The following RELN variants were observed in gnomAD, a reference collection of about 807,000 sequenced individuals.
The protein encoded by RELN is reelin.
RELN carries 108 observed loss-of-function variants against 427.6 expected under a neutral mutation model. The observed-to-expected ratio is 0.25, with a 90% CI of 0.22 to 0.30. The LOEUF (loss-of-function observed/expected upper bound fraction) is 0.30. Ranked by LOEUF, RELN falls within the 10% of genes least tolerant of loss-of-function variation. RELN has a pLI of 1.00. For missense variants in RELN, 3,715 were observed against 4,302.8 expected (o/e 0.86, Z 3.82); for synonymous variants, 1,524 against 1,513.4 (o/e 1.01, Z -0.16).
intron 11 of RELN, among the ~76,000 whole-genome samples, chr7:103,676,137 C>A (rs574772399): frequency 8.5e-5 from 13 of 152,130 alleles, no homozygotes; most frequent in African/African-American, 1.7e-4. Context: ...ACAATCTACT[C>A]ATCTGACAAA....
chr7:103,835,449 G>A (rs1019490230), intron 2 of RELN, among the ~76,000 whole-genome samples: 20 of 152,140 alleles, frequency 1.3e-4, no homozygotes, highest in Non-Finnish European at 2.9e-4. Context: ...TGGACTTTGA[G>A]CAGTAATGAT....
chr7:103,509,008 A>C (rs1829308331), intron 51 of RELN, among the ~76,000 whole-genome samples: 1 of 123,946 alleles, frequency 8.1e-6, no homozygotes, highest in Non-Finnish European at 1.7e-5. Context: ...AGAGGATGCA[A>C]ACAAACAAAT....
chr7:103,813,201 G>C (rs897220759), intron 3 of RELN, among the ~76,000 whole-genome samples: 1 of 152,000 alleles, frequency 6.6e-6, no homozygotes, highest in Non-Finnish European at 1.5e-5. Context: ...TGTCTTTTAT[G>C]ATCCTCTGGC....
chr7:103,982,114 C>T (rs1002238840), intron 1 of RELN, among the ~76,000 whole-genome samples: 7 of 152,062 alleles, frequency 4.6e-5, no homozygotes, highest in African/African-American at 1.7e-4. Flanking sequence ...TACAGTGAGC[C>T]GAAAAGGTGT....
chr7:103,632,856 G>C (rs1054826023), intron 19 of RELN, among the ~76,000 whole-genome samples: 1 of 151,822 alleles, frequency 6.6e-6, no homozygotes, highest in Non-Finnish European at 1.5e-5. Flanking sequence ...TGACATGATA[G>C]AACAAAGAGG....
intron 51 of RELN, among the ~76,000 whole-genome samples, chr7:103,504,143 G>T (rs1260945989): frequency 6.6e-6 from 1 of 152,130 alleles, no homozygotes; most frequent in Middle Eastern, 3.2e-3. Context: ...GGCAGAGGTT[G>T]CAGTGAACCA....
At chr7:103,643,577 TTAAC>T (rs1832737140) in intron 16 of RELN, among the ~76,000 whole-genome samples, 1 of 151,874 alleles carries the variant, frequency 6.6e-6, no homozygotes, top group African/African-American at 2.4e-5. Flanking sequence ...ATAGCTAATC[TTAAC>T]TAACCTGCAC....
At chr7:103,669,587 C>T (rs1483755896) in intron 11 of RELN, among the ~76,000 whole-genome samples, 3 of 151,816 alleles carry the variant, frequency 2.0e-5, no homozygotes, top group Non-Finnish European at 4.4e-5. Context: ...TGACTCTCTC[C>T]AAATATAATA....
rs202041594 is a variant in RELN at position 103,761,634 on chromosome 7, G to A, written c.545-8420C>T. On this transcript the variant is annotated intron_variant, in intron 4 of 64. Transcript: ENST00000428762. ...AGACCAGTAAATTTTTTTTTGGGGG[G>A]GGGTAGAGACAAGATCTTACCACAT... 7.3e-5 allele frequency among the ~76,000 whole-genome samples: 11 copies of A among 151,528 alleles called. No homozygotes were observed. In the East Asian group the frequency reaches 1.4e-3, roughly 19 times the overall value.
At chr7:103,544,392 C>T (rs531350815) in intron 42 of RELN, among the ~76,000 whole-genome samples, 2 of 151,734 alleles carry the variant, frequency 1.3e-5, no homozygotes, top group Admixed American at 6.6e-5. Context: ...GCGTGCCCGG[C>T]TTTTTTGTAT....
intron 5 of RELN, among the ~76,000 whole-genome samples, chr7:103,751,063 C>A (rs1010449787): frequency 9.9e-5 from 15 of 152,224 alleles, no homozygotes; most frequent in African/African-American, 3.6e-4. Context: ...TATTTCTATT[C>A]ATGTTGTAAA....
chr7:103,721,385 C>T (rs1444978062), intron 8 of RELN, among the ~76,000 whole-genome samples: 1 of 152,062 alleles, frequency 6.6e-6, no homozygotes, highest in Non-Finnish European at 1.5e-5. Context: ...ACCAAGGGCT[C>T]TTGCTAAGTC....
In RELN at chr7:103,651,773, A is replaced by C; in HGVS notation, c.1780T>G (p.Ser594Ala). ...GACCAGGAGCGCCCATGGTTGGTAG[A>C]AAATTCCAAGCTGACACTAATAAAA... Reference protein sequence around the residue: ...QPGNSVSLEFSTNHGRSWSLL... With the variant: ...QPGNSVSLEFATNHGRSWSLL... Residue 594 changes from serine to alanine, a missense_variant, in exon 15 of 65, where the codon TCT becomes GCT. Ser to Ala is a moderately conservative substitution (Grantham distance 99, BLOSUM62 1). This residue lies in a region of RELN where 2,208 missense variants were observed against 2,361.7 expected (regional missense o/e 0.93). Coordinates refer to ENST00000428762, the MANE Select transcript of RELN (RefSeq NM_005045.4). 2 of 1,611,866 alleles carry C rather than the reference A, an allele frequency of 1.2e-6. No homozygotes were observed. Among genetic ancestry groups the C allele is most frequent in the Non-Finnish European group, 1.7e-6 (2 of 1,178,662 alleles).
chr7:103,813,308 C>A (rs989348604), intron 3 of RELN, among the ~76,000 whole-genome samples: 1 of 152,006 alleles, frequency 6.6e-6, no homozygotes, highest in Non-Finnish European at 1.5e-5. Context: ...AAAGTTATAG[C>A]CAAGTGACAG....
At chr7:103,813,013 T>G (rs1644106489) in intron 3 of RELN, among the ~76,000 whole-genome samples, 1 of 152,206 alleles carries the variant, frequency 6.6e-6, no homozygotes, top group African/African-American at 2.4e-5. Flanking sequence ...TGTCTTATTC[T>G]TCATCGGTTT....
At chr7:103,653,198 G>T (rs1380459514) in intron 13 of RELN, among the ~76,000 whole-genome samples, 1 of 152,038 alleles carries the variant, frequency 6.6e-6, no homozygotes, top group South Asian at 2.1e-4. Flanking sequence ...AACAACCAGA[G>T]CCAATGAGTC....
chr7:103,777,082 A>G (rs1791763024), intron 3 of RELN, among the ~76,000 whole-genome samples: 1 of 152,148 alleles, frequency 6.6e-6, no homozygotes, highest in South Asian at 2.1e-4. Flanking sequence ...TTTAAAAAGT[A>G]TTTTCTTAAA....
intron 2 of RELN, among the ~76,000 whole-genome samples, chr7:103,881,136 C>G (rs535665080): frequency 1.3e-5 from 2 of 152,284 alleles, no homozygotes; most frequent in East Asian, 3.9e-4. Flanking sequence ...CAATTCCCTA[C>G]CACCTATTAA....
At position 103,642,608 on chromosome 7, in the gene RELN, G is replaced by A. The variant is rs1832717108; in HGVS notation, c.2003-1999C>T. ...CCACTCAAAGCATGGGAACTCAGAG[G>A]ATGTGTAGTGAACACTTTCTGAACT... is the stretch of plus-strand genomic sequence containing the variant. On this transcript the variant is annotated intron_variant, in intron 16 of 64. Coordinates refer to ENST00000428762, the MANE Select transcript of RELN (RefSeq NM_005045.4). Among the ~76,000 whole-genome samples, 7 of 152,040 alleles carry A rather than the reference G, an allele frequency of 4.6e-5. No individual in the cohort carries two copies. In the South Asian group the frequency reaches 1.4e-3, roughly 31 times the overall value.
Sources: gnomAD v4.1 joint callset for allele counts (sites outside exome capture counted in the v4.1 genomes callset) on GRCh38, gnomAD v4.1.1 for gene constraint, gnomAD v4.1.1 regional missense constraint, MANE v1.5 for transcripts, NCBI Gene and HGNC (gene_info 2026-07-23, HGNC 2026-07-21) for gene names.